LGI2: variants seen among roughly 807,000 people sequenced by gnomAD.
The protein encoded by LGI2 is leucine rich repeat LGI family member 2, also known as leucine-rich repeat LGI family member 2.
LGI2 carries 30 observed loss-of-function variants against 52.0 expected under a neutral mutation model. The ratio of observed to expected loss-of-function variants is 0.58; its 90% CI spans 0.43 to 0.78. LGI2 has a LOEUF of 0.78. Among genes scored for constraint, LGI2 ranks in the 30% least tolerant of loss-of-function variants. The pLI is 0.00. For synonymous variants in LGI2, 270 were observed against 271.8 expected (o/e 0.99, Z 0.06); for missense variants, 573 against 692.5 (o/e 0.83, Z 1.94).
At chr4:24,993,704 A>C in the LGI2 span, among the ~76,000 whole-genome samples, 1 of 152,030 alleles carries the variant, frequency 6.6e-6, no homozygotes, top group Admixed American at 6.6e-5. Context: ...ACAAATGTCC[A>C]TTTTTTTCCA....
chr4:25,009,257 C>T (rs73107583), intron 7 of LGI2, among the ~76,000 whole-genome samples: 12,090 of 152,248 alleles, frequency 0.079, 619 homozygotes, highest in African/African-American at 0.12. Context: ...TGGCTCATGC[C>T]AAACCATCCC....
At position 25,003,443 on chromosome 4, in the gene LGI2, C is replaced by T. The variant is rs1227068963; in HGVS notation, c.*8G>A. ...GCTACATTTCTCTTAGTTTCACCCA[C>T]CACACCTTCACAAACTTAAGTCAAC... is the stretch of plus-strand genomic sequence containing the variant. On this transcript the variant is annotated 3_prime_UTR_variant, in exon 8 of 8. Transcript: ENST00000382114. The T allele has an allele frequency of 3.2e-6, 5 of 1,554,664 alleles. No homozygotes were observed. The highest frequency in any genetic ancestry group is 4.0e-5 in the Admixed American group (2 of 50,352).
At chr4:24,995,757 G>A (rs2109395963), downstream of LGI2, among the ~76,000 whole-genome samples, 1 of 152,328 alleles carries the variant, frequency 6.6e-6, no homozygotes, top group South Asian at 2.1e-4. Context: ...CAAATAATTT[G>A]CAAGTATATT....
chr4:25,024,975 A>G, intron 3 of LGI2, 84 bp from the exon 4 acceptor site: 1 of 876,104 alleles, frequency 1.1e-6, no homozygotes, highest in Non-Finnish European at 1.8e-6. Flanking sequence ...TTCAGAATAA[A>G]ATCTAAAAGT....
intron 7 of LGI2, 65 bp downstream of exon 7, chr4:25,012,270 T>A: frequency 6.4e-7 from 1 of 1,573,732 alleles, no homozygotes; most frequent in Non-Finnish European, 8.7e-7. Flanking sequence ...AGGACATTCC[T>A]CCTCCCGCGG....
rs1275000496 is a variant in LGI2, at chr4:25,019,201, C to T, written c.451G>A (p.Asp151Asn). The T allele has an allele frequency of 1.9e-6, 3 of 1,609,038 alleles. No homozygotes were observed. In the African/African-American group the frequency reaches 4.0e-5, roughly 22 times the overall value. ...AGAGAGTCTAAATCACTGAAGACAT[C>T]CCTTGGTAGTGCTTTTATGTGGTTA... ...ANNHIKALPRDVFSDLDSLIE... is the reference protein window; with the variant it reads ...ANNHIKALPRNVFSDLDSLIE... The change falls in exon 5 of 8, where the codon GAT becomes AAT. Residue 151 changes from aspartate to asparagine, a missense_variant. Physicochemically the swap from Asp to Asn is conservative, Grantham distance 23. Coordinates refer to ENST00000382114, the MANE Select transcript of LGI2 (RefSeq NM_018176.4).
intron 7 of LGI2, among the ~76,000 whole-genome samples, chr4:25,011,837 C>G (rs1338461631): frequency 1.3e-5 from 2 of 152,154 alleles, no homozygotes; most frequent in Non-Finnish European, 2.9e-5. Context: ...ATTTAGGGAT[C>G]CATTTATTCT....
In LGI2 at chr4:25,030,517, C is replaced by T; in HGVS notation, c.177G>A (p.Val59=). The part of the protein sequence containing the change: ...CVGSSWVPRI[V]PGDISSLSLV... Reference sequence around the variant, plus strand: ...CTCACAGGGAGCTGATGTCGCCCGGCACGATCCTGGGCACCCAGGAAGAGC... The same window carrying T: ...CTCACAGGGAGCTGATGTCGCCCGGTACGATCCTGGGCACCCAGGAAGAGC... The change falls in exon 1 of 8, where the codon GTG becomes GTA. Residue 59 remains valine (V), a synonymous_variant. Transcript: ENST00000382114. The T allele has an allele frequency of 6.3e-7, 1 of 1,594,054 alleles. No homozygotes were observed. Among genetic ancestry groups the T allele is most frequent in the Non-Finnish European group, 8.5e-7 (1 of 1,172,074 alleles).
intron 6 of LGI2, among the ~76,000 whole-genome samples, chr4:25,017,632 C>T (rs1390763698): frequency 6.6e-6 from 1 of 150,982 alleles, no homozygotes; most frequent in African/African-American, 2.4e-5. Flanking sequence ...ACAGTCTCAA[C>T]CGAGTAATCT....
chr4:25,015,206 G>A (rs1006152563), intron 6 of LGI2, among the ~76,000 whole-genome samples: 1 of 152,194 alleles, frequency 6.6e-6, no homozygotes, highest in African/African-American at 2.4e-5. Flanking sequence ...AATTATACAT[G>A]ACGCCGATCC....
chr4:25,014,341 T>A (rs1725679246), intron 6 of LGI2, among the ~76,000 whole-genome samples: 1 of 152,222 alleles, frequency 6.6e-6, no homozygotes. Flanking sequence ...ATCTAGCCTG[T>A]CGTGGCCCTG....
Position 24,998,959 on chromosome 4 carries a change from T to C in LGI2, c.*4492A>G, listed in dbSNP as rs1725158783. ...AGCTAAATATGTATACAGCCTAAAA[T>C]ACATCCACTGTAGTCTGCATACTGT... On this transcript the variant is annotated 3_prime_UTR_variant, in exon 8 of 8. Transcript: ENST00000382114. 6.6e-6 allele frequency: 1 copy of C among 152,258 alleles called. No individual in the cohort carries two copies. The allele number at this position is 152,258 out of a possible 1,614,324, so 9.4% of individuals were successfully genotyped here. A position where few individuals can be genotyped will look rare whatever the true frequency, so the allele number is the denominator to read the frequency against.
intron 4 of LGI2, among the ~76,000 whole-genome samples, chr4:25,024,095 A>T (rs891205956): frequency 6.6e-6 from 1 of 152,198 alleles, no homozygotes; most frequent in Non-Finnish European, 1.5e-5. Context: ...CCACCTAGTC[A>T]TCTAAGCCTT....
At position 25,002,182 on chromosome 4, in the gene LGI2, C is replaced by G. The variant is rs1276163703; in HGVS notation, c.*1269G>C. On this transcript the variant is annotated 3_prime_UTR_variant, in exon 8 of 8. Coordinates refer to ENST00000382114, the MANE Select transcript of LGI2 (RefSeq NM_018176.4). ...CCAAAGCTGGCCCCTACTGATCAGC[C>G]TGAGATCCCCAGCCTGCACAGGCTG... is the stretch of plus-strand genomic sequence containing the variant. 2 of 152,264 alleles carry G rather than the reference C, an allele frequency of 1.3e-5. No individual in the cohort carries two copies. The highest frequency in any genetic ancestry group is 1.3e-4 in the Admixed American group (2 of 15,288). The allele number at this position is 152,264 out of a possible 1,614,324, so 9.4% of individuals were successfully genotyped here. A position where few individuals can be genotyped will look rare whatever the true frequency, so the allele number is the denominator to read the frequency against.
Position 24,999,947 on chromosome 4 carries a change from C to A in LGI2, c.*3504G>T, listed in dbSNP as rs751262336. 1 of 443,902 alleles carries A rather than the reference C, an allele frequency of 2.3e-6. No homozygotes were observed. The highest frequency in any genetic ancestry group is 7.2e-5 in the East Asian group (1 of 13,810). The allele number at this position is 443,902 out of a possible 1,614,324, so 27.5% of individuals were successfully genotyped here. ...ACAAGAACCAGATGTGTCTCAACCTCAACATCCTCCCCATAGCTATGCAGG... is the reference window on the plus strand; with the variant it reads ...ACAAGAACCAGATGTGTCTCAACCTAAACATCCTCCCCATAGCTATGCAGG... On this transcript the variant is annotated 3_prime_UTR_variant, in exon 8 of 8. Transcript: ENST00000382114.
In LGI2 at chr4:25,018,030, A is replaced by C; in HGVS notation, c.614T>G (p.Leu205Arg). The change falls in exon 6 of 8, where the codon CTA (leucine) becomes CGA (arginine). Residue 205 changes from leucine to arginine, a missense_variant. Coordinates refer to ENST00000382114, the MANE Select transcript of LGI2 (RefSeq NM_018176.4). ...IGPPEYQEKKLNDVTSFDYEC... is the reference protein window; with the variant it reads ...IGPPEYQEKKRNDVTSFDYEC... ...ATAGTCAAAGCTGGTCACGTCATTT[A>C]GCTTCTTTTCCTGATACTCTGGTGG... 6.2e-7 allele frequency: 1 copy of C among 1,613,044 alleles called. No individual in the cohort carries two copies. The highest frequency in any genetic ancestry group is 8.5e-7 in the Non-Finnish European group (1 of 1,179,792).
At chr4:24,995,209 T>C (rs1339822732), downstream of LGI2, among the ~76,000 whole-genome samples, 1 of 152,222 alleles carries the variant, frequency 6.6e-6, no homozygotes, top group Admixed American at 6.5e-5. Context: ...CACGTCATAG[T>C]GTGGTATGTG....
downstream of LGI2, among the ~76,000 whole-genome samples, chr4:24,995,549 A>C (rs34778067): frequency 5.1e-4 from 78 of 152,204 alleles, 1 homozygote; most frequent in East Asian, 8.7e-3. Context: ...TGTCTCCCAC[A>C]TGGGCCCCTC....
Position 25,011,583 on chromosome 4 carries a change from C to T in LGI2, c.820+752G>A, listed in dbSNP as rs76553591. ...TACCTGAATATGCTTCTTGCTACAA[C>T]AGTAAAACGCTGCTCTAAGGCCACA... On this transcript the variant is annotated intron_variant, in intron 7 of 7. Transcript: ENST00000382114. 8.5e-3 allele frequency among the ~76,000 whole-genome samples: 1,297 copies of T among 152,322 alleles called. 28 individuals are homozygous for T. The highest frequency in any genetic ancestry group is 0.029 in the African/African-American group (1,196 of 41,570).
Sources: allele counts gnomAD v4.1 joint callset (sites outside exome capture counted in the v4.1 genomes callset), GRCh38; gene constraint gnomAD v4.1.1; transcripts MANE v1.5; gene names NCBI Gene and HGNC (gene_info 2026-07-23, HGNC 2026-07-21).